CHST9: variants seen among roughly 807,000 people sequenced by gnomAD.
CHST9 encodes GalNAc-4-sulfotransferase 2.
Under a neutral mutation model 44.4 loss-of-function variants are expected in CHST9, and 41 were observed. The observed-to-expected ratio is 0.92, with a 90% CI of 0.72 to 1.20. The LOEUF (loss-of-function observed/expected upper bound fraction) is 1.20. Ranked by LOEUF, CHST9 falls within the 50% of genes most tolerant of loss-of-function variation. CHST9 has a pLI of 0.00. For missense variants in CHST9, 504 were observed against 516.5 expected (o/e 0.98, Z 0.23); for synonymous variants, 171 against 178.4 (o/e 0.96, Z 0.33).
At chr18:27,032,002 T>A (rs2057346159) in intron 3 of CHST9, among the ~76,000 whole-genome samples, 2 of 152,052 alleles carry the variant, frequency 1.3e-5, no homozygotes, top group African/African-American at 2.4e-5. Flanking sequence ...GAGGAGCAAA[T>A]GTGGCTCAGA....
chr18:26,912,092 T>C lies in CHST9; in HGVS notation c.*4167A>G, dbSNP rs966666919. ...CTGTCAGGGGCCTATGTGTGGAAAG[T>C]TCGCCTGAACTTTCTTCCTCTTAGA... On this transcript the variant is annotated 3_prime_UTR_variant, in exon 6 of 6. Transcript: ENST00000618847. 1 of 152,138 alleles carries C rather than the reference T, an allele frequency of 6.6e-6. No homozygotes were observed. Among genetic ancestry groups the C allele is most frequent in the African/African-American group, 2.4e-5 (1 of 41,432 alleles). The allele number at this position is 152,138 out of a possible 1,614,324, so 9.4% of individuals were successfully genotyped here. A position where few individuals can be genotyped will look rare whatever the true frequency, so the allele number is the denominator to read the frequency against.
At chr18:26,939,190 G>A (rs2056045155) in intron 5 of CHST9, among the ~76,000 whole-genome samples, 1 of 152,188 alleles carries the variant, frequency 6.6e-6, no homozygotes, top group Admixed American at 6.5e-5. Flanking sequence ...ATAAAATGGG[G>A]TCATGGAAGA....
chr18:26,990,042 C>T (rs2056798232), intron 4 of CHST9, among the ~76,000 whole-genome samples: 1 of 152,020 alleles, frequency 6.6e-6, no homozygotes, highest in African/African-American at 2.4e-5. Flanking sequence ...ATATCCAACA[C>T]AATGGAAAAC....
intron 2 of CHST9, among the ~76,000 whole-genome samples, chr18:27,056,233 A>G (rs1174731320): frequency 6.6e-6 from 1 of 152,168 alleles, no homozygotes; most frequent in Non-Finnish European, 1.5e-5. Context: ...TGAGTTGGGC[A>G]TTCTATTGAC....
chr18:27,123,857 T>C (rs1279939319), intron 2 of CHST9, among the ~76,000 whole-genome samples: 1 of 152,142 alleles, frequency 6.6e-6, no homozygotes, highest in African/African-American at 2.4e-5. Flanking sequence ...GCAGAGAAAA[T>C]ACTATCCTGT....
chr18:27,030,196 C>T (rs1201619697), intron 3 of CHST9, among the ~76,000 whole-genome samples: 2 of 152,122 alleles, frequency 1.3e-5, no homozygotes, highest in Admixed American at 6.5e-5. Context: ...GCTATCCCTT[C>T]AATAAAATTA....
chr18:27,109,368 T>A (rs2058250094), intron 2 of CHST9, among the ~76,000 whole-genome samples: 1 of 152,292 alleles, frequency 6.6e-6, no homozygotes, highest in Non-Finnish European at 1.5e-5. Flanking sequence ...AAAAGTGGTA[T>A]TTTTCTATGG....
chr18:27,110,139 A>G (rs1446552949), intron 2 of CHST9, among the ~76,000 whole-genome samples: 13 of 134,928 alleles, frequency 9.6e-5, no homozygotes, highest in Non-Finnish European at 1.5e-4. Flanking sequence ...TTTTTAGCCC[A>G]GTCTTTTTTT....
At chr18:27,173,327 C>G (rs2143963098) in intron 1 of CHST9, among the ~76,000 whole-genome samples, 1 of 152,136 alleles carries the variant, frequency 6.6e-6, no homozygotes, top group East Asian at 1.9e-4. Context: ...CTAAATGTCA[C>G]TGTAGCCCTG....
intron 1 of CHST9, among the ~76,000 whole-genome samples, chr18:27,165,310 G>GA (rs1490084717): frequency 2.0e-4 from 31 of 152,222 alleles, no homozygotes; most frequent in African/African-American, 5.5e-4. Context: ...TGCAGAAAAG[G>GA]AAAAAATTAG....
chr18:27,013,772 C>G (rs189120605), intron 4 of CHST9, among the ~76,000 whole-genome samples: 1 of 152,190 alleles, frequency 6.6e-6, no homozygotes, highest in African/African-American at 2.4e-5. Flanking sequence ...TTCTAATTAC[C>G]TAGAATTTCC....
intron 1 of CHST9, among the ~76,000 whole-genome samples, chr18:27,158,702 C>A (rs1240349585): frequency 8.6e-5 from 13 of 151,816 alleles, no homozygotes; most frequent in Non-Finnish European, 1.8e-4. Context: ...AATGGTTGAA[C>A]TAGTTTACAG....
intron 2 of CHST9, among the ~76,000 whole-genome samples, chr18:27,126,025 A>G (rs2058420284): frequency 6.6e-6 from 1 of 152,252 alleles, no homozygotes; most frequent in Non-Finnish European, 1.5e-5. Flanking sequence ...ATTATATTAC[A>G]CAAAAATTTA....
At chr18:27,141,459 T>A (rs1232969703) in intron 2 of CHST9, among the ~76,000 whole-genome samples, 1 of 149,350 alleles carries the variant, frequency 6.7e-6, no homozygotes, top group East Asian at 2.0e-4. Flanking sequence ...GGTGCAGTGG[T>A]TTGTGCCTGT....
intron 4 of CHST9, among the ~76,000 whole-genome samples, chr18:27,002,405 C>T (rs2056964907): frequency 6.6e-6 from 1 of 152,074 alleles, no homozygotes; most frequent in Non-Finnish European, 1.5e-5. Flanking sequence ...AGACCTATGT[C>T]CTTGACTTAT....
intron 2 of CHST9, among the ~76,000 whole-genome samples, chr18:27,087,039 G>A (rs966072043): frequency 1.3e-5 from 2 of 152,112 alleles, no homozygotes; most frequent in African/African-American, 4.8e-5. Context: ...AGCAAGAATT[G>A]AAGTGTGTGT....
At chr18:27,028,366 A>T (rs2057305173) in intron 3 of CHST9, among the ~76,000 whole-genome samples, 1 of 152,226 alleles carries the variant, frequency 6.6e-6, no homozygotes, top group Admixed American at 6.5e-5. Flanking sequence ...GGCACAGCAC[A>T]TCTGGGTACA....
At chr18:27,135,272 A>G (rs1315499282) in intron 2 of CHST9, among the ~76,000 whole-genome samples, 2 of 152,220 alleles carry the variant, frequency 1.3e-5, no homozygotes, top group African/African-American at 4.8e-5. Context: ...GGGAACAAAT[A>G]CTTGTTTGGG....
intron 2 of CHST9, among the ~76,000 whole-genome samples, chr18:27,083,658 G>A (rs992306970): frequency 2.0e-5 from 3 of 151,932 alleles, no homozygotes; most frequent in African/African-American, 7.3e-5. Context: ...CTTTTCCACT[G>A]ACTTATTCCA....
Sources: gnomAD v4.1 joint callset for allele counts (sites outside exome capture counted in the v4.1 genomes callset) on GRCh38, gnomAD v4.1.1 for gene constraint, MANE v1.5 for transcripts, NCBI Gene and HGNC (gene_info 2026-07-23, HGNC 2026-07-21) for gene names.